The following TRMT11 variants were observed in gnomAD, a reference collection of about 807,000 sequenced individuals.
TRMT11 encodes the protein tRNA (guanine(10)-N(2))-methyltransferase TRMT11.
TRMT11 carries 53 observed loss-of-function variants against 62.8 expected under a neutral mutation model. That is an observed-to-expected ratio of 0.84 (90% CI 0.68 to 1.06). The LOEUF (loss-of-function observed/expected upper bound fraction) is 1.06. Among genes scored for constraint, TRMT11 ranks in the 50% least tolerant of loss-of-function variants. The probability of loss-of-function intolerance (pLI) is 0.00; values close to 1 mark genes in which losing one functional copy is unlikely to be tolerated. For missense variants in TRMT11, 556 were observed against 553.4 expected (o/e 1.00, Z -0.05); for synonymous variants, 188 against 190.3 (o/e 0.99, Z 0.10).
intron 17 of TRMT11, among the ~76,000 whole-genome samples, chr6:126,065,585 A>T (rs929548176): frequency 2.6e-5 from 4 of 152,194 alleles, no homozygotes; most frequent in African/African-American, 9.7e-5. Flanking sequence ...AGAAAATGAC[A>T]GTTTCTCTGT....
At chr6:126,184,594 G>A (rs1778505536) in intron 1 of TRMT11, among the ~76,000 whole-genome samples, 1 of 152,130 alleles carries the variant, frequency 6.6e-6, no homozygotes, top group Non-Finnish European at 1.5e-5. Flanking sequence ...TTCCCTTGAT[G>A]GCAATAACTT....
downstream of TRMT11, among the ~76,000 whole-genome samples, chr6:126,204,263 A>G: frequency 6.6e-6 from 1 of 152,198 alleles, no homozygotes. Context: ...TTCTCCAGAA[A>G]CTGTGGCAGG....
chr6:125,994,207 T>A (rs1312229259), intron 2 of TRMT11, among the ~76,000 whole-genome samples: 1 of 152,218 alleles, frequency 6.6e-6, no homozygotes, highest in African/African-American at 2.4e-5. Context: ...AGCTTTGTAT[T>A]TTGCATAAAA....
chr6:126,017,799 T>G (rs1269177445), intron 11 of TRMT11, among the ~76,000 whole-genome samples: 2 of 152,224 alleles, frequency 1.3e-5, no homozygotes, highest in Non-Finnish European at 2.9e-5. Flanking sequence ...GTGAGTTTAT[T>G]ATTTACAATT....
At chr6:126,237,046 G>A in the TRMT11 span, among the ~76,000 whole-genome samples, 1 of 149,824 alleles carries the variant, frequency 6.7e-6, no homozygotes, top group Non-Finnish European at 1.5e-5. Context: ...ACCTTTCTAG[G>A]TACTTGACCT....
chr6:126,194,244 G>A (rs1008123590), intron 1 of TRMT11, among the ~76,000 whole-genome samples: 3 of 152,102 alleles, frequency 2.0e-5, no homozygotes, highest in Admixed American at 6.5e-5. Context: ...GCTTAAGATG[G>A]GGTATTGAAG....
At chr6:126,211,761 C>T in the TRMT11 span, among the ~76,000 whole-genome samples, 4 of 152,078 alleles carry the variant, frequency 2.6e-5, no homozygotes, top group South Asian at 6.2e-4. Flanking sequence ...CCACTTCAAG[C>T]GTTTATCCTT....
At chr6:125,995,455 T>C (rs944157244) in intron 2 of TRMT11, among the ~76,000 whole-genome samples, 1 of 152,134 alleles carries the variant, frequency 6.6e-6, no homozygotes, top group Non-Finnish European at 1.5e-5. Context: ...TTCCCCTAGA[T>C]AAAATATAAA....
At chr6:126,203,674 A>G (rs1324816016), downstream of TRMT11, among the ~76,000 whole-genome samples, 1 of 152,182 alleles carries the variant, frequency 6.6e-6, no homozygotes, top group Non-Finnish European at 1.5e-5. Flanking sequence ...GTTTATTATA[A>G]TGTTATTTGT....
the TRMT11 span, among the ~76,000 whole-genome samples, chr6:126,256,917 G>C: frequency 6.6e-6 from 1 of 151,890 alleles, no homozygotes; most frequent in African/African-American, 2.4e-5. Flanking sequence ...ATGGAGTCTT[G>C]CTCTGTCACC....
At chr6:126,148,751 G>T (rs890691920) in intron 21 of TRMT11, among the ~76,000 whole-genome samples, 5 of 152,088 alleles carry the variant, frequency 3.3e-5, no homozygotes, top group Non-Finnish European at 7.4e-5. Flanking sequence ...AGATTAGATT[G>T]ATAATAGTGA....
chr6:126,186,684 T>A (rs1020371138), intron 1 of TRMT11, among the ~76,000 whole-genome samples: 1 of 151,946 alleles, frequency 6.6e-6, no homozygotes, highest in Non-Finnish European at 1.5e-5. Context: ...GTTGTAGGAG[T>A]TTTGTTAAAT....
chr6:126,006,897 T>C (rs943052679), intron 7 of TRMT11: 1 of 152,034 alleles, frequency 6.6e-6, no homozygotes, highest in African/African-American at 2.4e-5. Flanking sequence ...ATGGATAAGG[T>C]TCTGTTAAGG....
chr6:126,017,688 T>G (rs1025761430), intron 11 of TRMT11, among the ~76,000 whole-genome samples: 5 of 152,254 alleles, frequency 3.3e-5, no homozygotes, highest in African/African-American at 1.2e-4. Context: ...CAGATACTTC[T>G]CAGCAGAATT....
In TRMT11 at chr6:126,021,209, A is replaced by G. The variant is rs1346698623; in HGVS notation, c.1189A>G (p.Asn397Asp). 1.9e-6 allele frequency: 3 copies of G among 1,614,080 alleles called. No homozygotes were observed. In the African/African-American group the frequency reaches 4.0e-5, roughly 22 times the overall value. The change falls in exon 12 of 13, where the codon AAC (asparagine) becomes GAC (aspartate). Residue 397 changes from asparagine to aspartate, a missense_variant. Transcript: ENST00000334379. ...GCACCCTTGCCTGGAACTCGTTAGC[A>G]ACTGCGAGCAGAAGCTTTCCAGTCA... ...PWHPCLELVSNCEQKLSSHTS... is the reference protein window; with the variant it reads ...PWHPCLELVSDCEQKLSSHTS...
chr6:126,015,005 AG>A (rs2127949381), intron 11 of TRMT11, among the ~76,000 whole-genome samples: 1 of 152,238 alleles, frequency 6.6e-6, no homozygotes, highest in African/African-American at 2.4e-5. Context: ...CTTTGTAAAA[AG>A]GGTTGCTGCC....
At chr6:126,223,188 G>A in the TRMT11 span, among the ~76,000 whole-genome samples, 4 of 152,132 alleles carry the variant, frequency 2.6e-5, no homozygotes, top group Admixed American at 6.5e-5. Flanking sequence ...TTGGGAGACC[G>A]AAGCAGGTGG....
intron 9 of TRMT11, 121 bp downstream of exon 9, chr6:126,011,538 AC>A: frequency 1.3e-6 from 1 of 750,146 alleles, no homozygotes; most frequent in Non-Finnish European, 2.1e-6. Flanking sequence ...TCTCCCATCT[AC>A]CCCCAGCTTC....
In TRMT11 at chr6:126,107,424, G is replaced by GT. The variant is rs148877945; in HGVS notation, c.*1438-5441dup. ...ATACCCTGACAAGGTATGAACTGGA[G>GT]TATGTGTCTTGGAACTATTTACCCC... On this transcript the variant is annotated intron_variant and NMD_transcript_variant, in intron 17 of 22. Coordinates refer to the TRMT11 transcript ENST00000648977. 8.6e-3 allele frequency among the ~76,000 whole-genome samples: 1,313 copies of GT among 152,218 alleles called. 14 individuals are homozygous for GT. Among genetic ancestry groups the GT allele is most frequent in the African/African-American group, 0.026 (1,070 of 41,532 alleles).
Sources: gnomAD v4.1 joint callset for allele counts (sites outside exome capture counted in the v4.1 genomes callset) on GRCh38, gnomAD v4.1.1 for gene constraint, MANE v1.5 for transcripts, NCBI Gene and HGNC (gene_info 2026-07-23, HGNC 2026-07-21) for gene names.